Variants in DUSP10 observed in about 807,000 individuals in gnomAD.
The protein encoded by DUSP10 is dual specificity protein phosphatase 10.
In DUSP10, 14 loss-of-function variants were observed where a neutral mutation model predicts 30.8. The observed-to-expected ratio is 0.46, with a 90% CI of 0.30 to 0.71. The LOEUF is 0.71. DUSP10 is among the 30% of genes least tolerant of loss of function. DUSP10 has a pLI of 0.08. For synonymous variants in DUSP10, 254 were observed against 250.4 expected (o/e 1.01, Z -0.14); for missense variants, 550 against 619.4 (o/e 0.89, Z 1.19).
intron 2 of DUSP10, among the ~76,000 whole-genome samples, chr1:221,725,732 G>C (rs1185082471): frequency 6.6e-6 from 1 of 152,152 alleles, no homozygotes; most frequent in East Asian, 1.9e-4. Flanking sequence ...GCCCCTAGAA[G>C]ACTTCAGCAC....
intron 2 of DUSP10, among the ~76,000 whole-genome samples, chr1:221,726,067 G>C (rs73110853): frequency 0.11 from 17,409 of 152,264 alleles, 3,217 homozygotes; most frequent in African/African-American, 0.39. Flanking sequence ...TTCAGGATCA[G>C]TATCAAGACC....
In DUSP10 at chr1:221,706,201, G is replaced by T. The variant is rs780497314; in HGVS notation, c.1077C>A (p.Pro359=). 2 of 1,614,172 alleles carry T rather than the reference G, an allele frequency of 1.2e-6. No homozygotes were observed. Among genetic ancestry groups the T allele is most frequent in the East Asian group, 4.5e-5 (2 of 44,868 alleles). The change falls in exon 3 of 4, where the codon CCC becomes CCA. Residue 359 remains proline, a synonymous_variant. Coordinates refer to ENST00000366899, the MANE Select transcript of DUSP10 (RefSeq NM_007207.6). The surrounding 1 kb of genome is among the most constrained non-coding windows in gnomAD (Gnocchi z 4.6). The part of the protein sequence containing the change: ...GYVINVTTHL[P]LYHYEKGLFN... The stretch of plus-strand genomic sequence containing the variant: ...ACAGGCCTTTCTCATAGTGGTAGAG[G>T]GGAAGATGAGTGGTGACGTTGATGA...
chr1:221,739,190 C>G lies in DUSP10; in HGVS notation c.555G>C (p.Lys185Asn). ...IDCRPFMEYNKSHIQGAVHIN... is the reference protein window; with the variant it reads ...IDCRPFMEYNNSHIQGAVHIN... ...TGTGGACAGCTCCTTGGATGTGACT[C>G]TTGTTGTACTCCATGAAGGGCCTGC... The change falls in exon 2 of 4, where the codon AAG becomes AAC. Residue 185 changes from lysine to asparagine, a missense_variant. Physicochemically the swap from Lys to Asn is moderately conservative, Grantham distance 94. Transcript: ENST00000366899. 6.2e-7 allele frequency: 1 copy of G among 1,614,200 alleles called. No individual in the cohort carries two copies. The highest frequency in any genetic ancestry group is 1.1e-5 in the South Asian group (1 of 91,082).
At chr1:221,727,222 C>G (rs1046163336) in intron 2 of DUSP10, among the ~76,000 whole-genome samples, 1 of 152,196 alleles carries the variant, frequency 6.6e-6, no homozygotes, top group East Asian at 1.9e-4. Flanking sequence ...GAGCATCAGC[C>G]GGCTCATTCA....
chr1:221,722,022 G>T (rs1029354187), intron 2 of DUSP10, among the ~76,000 whole-genome samples: 5 of 152,130 alleles, frequency 3.3e-5, no homozygotes, highest in Non-Finnish European at 5.9e-5. Flanking sequence ...CTTTTGAAGG[G>T]ATACAACACT....
intron 2 of DUSP10, among the ~76,000 whole-genome samples, chr1:221,716,604 G>A (rs1661114132): frequency 6.6e-6 from 1 of 152,088 alleles, no homozygotes; most frequent in African/African-American, 2.4e-5. Flanking sequence ...AAGAAAATAA[G>A]AGTAAGTATT....
chr1:221,702,626 A>G lies in DUSP10; in HGVS notation c.1235T>C (p.Val412Ala). The G allele has an allele frequency of 1.9e-6, 3 of 1,613,996 alleles. No individual in the cohort carries two copies. Among genetic ancestry groups the G allele is most frequent in the Non-Finnish European group, 2.5e-6 (3 of 1,179,962 alleles). The change falls in exon 4 of 4, where the codon GTG (valine) becomes GCG (alanine). Residue 412 changes from valine to alanine, a missense_variant. Physicochemically the swap from Val to Ala is moderately conservative, Grantham distance 64 (BLOSUM62 0). Transcript: ENST00000366899. The surrounding 1 kb of genome is among the most constrained non-coding windows in gnomAD (Gnocchi z 4.5). Reference protein sequence around the residue: ...KGLLIHCQAGVSRSATIVIAY... With the variant: ...KGLLIHCQAGASRSATIVIAY... ...GATGACGATGGTGGCGGAGCGGGACACCCCAGCCTGGCAGTGGATGAGAAG... is the reference window on the plus strand; with the variant it reads ...GATGACGATGGTGGCGGAGCGGGACGCCCCAGCCTGGCAGTGGATGAGAAG...
chr1:221,729,142 C>G (rs114437504), intron 2 of DUSP10, among the ~76,000 whole-genome samples: 2,069 of 152,288 alleles, frequency 0.014, 45 homozygotes, highest in African/African-American at 0.047. Flanking sequence ...AGAATTATCA[C>G]AGTTTTCAAA....
In DUSP10 at chr1:221,732,988, A is replaced by G. The variant is rs139797224; in HGVS notation, c.811+5946T>C. ...TGAGATGACCTCTCCTGGAACTAGA[A>G]TTTCTCTCCTTAATATGTAGTCTAT... On this transcript the variant is annotated intron_variant, in intron 2 of 3. Transcript: ENST00000366899. Among the ~76,000 whole-genome samples the G allele has an allele frequency of 6.6e-5, 10 of 152,288 alleles. No individual in the cohort carries two copies. In the East Asian group the frequency reaches 1.9e-3, roughly 29 times the overall value.
chr1:221,737,899 C>T (rs755586815), intron 2 of DUSP10, among the ~76,000 whole-genome samples: 1 of 152,216 alleles, frequency 6.6e-6, no homozygotes, highest in Non-Finnish European at 1.5e-5. Context: ...GGTCAACACA[C>T]TTTAGGAGAC....
intron 2 of DUSP10, among the ~76,000 whole-genome samples, chr1:221,738,724 G>T (rs1334373639): frequency 1.3e-5 from 2 of 152,208 alleles, no homozygotes; most frequent in Non-Finnish European, 2.9e-5. Flanking sequence ...CCAAATGAAG[G>T]GTAGAACCCA....
At chr1:221,735,615 G>T (rs1329005459) in intron 2 of DUSP10, among the ~76,000 whole-genome samples, 1 of 152,176 alleles carries the variant, frequency 6.6e-6, no homozygotes, top group Non-Finnish European at 1.5e-5. Flanking sequence ...CTGGTTGATA[G>T]GTGTATGGAT....
chr1:221,714,590 A>G (rs1661040740), intron 2 of DUSP10, among the ~76,000 whole-genome samples: 1 of 152,194 alleles, frequency 6.6e-6, no homozygotes, highest in South Asian at 2.1e-4. Context: ...ACACCTGATC[A>G]AACCAATCTG....
intron 3 of DUSP10, among the ~76,000 whole-genome samples, chr1:221,703,414 T>C (rs1235933860): frequency 2.0e-5 from 3 of 152,222 alleles, no homozygotes; most frequent in African/African-American, 7.2e-5. Context: ...TACTAAACCC[T>C]GATTAAGGTT....
intron 2 of DUSP10, among the ~76,000 whole-genome samples, chr1:221,725,849 A>G (rs759757181): frequency 7.2e-5 from 11 of 152,216 alleles, no homozygotes; most frequent in Non-Finnish European, 1.0e-4. Flanking sequence ...TGTCCCTTTC[A>G]GAGTGTTTTA....
rs1660629674 is a variant in DUSP10 at position 221,702,339 on chromosome 1, A to G, written c.*73T>C. The G allele has an allele frequency of 1.1e-5, 17 of 1,528,714 alleles. No individual in the cohort carries two copies. In the South Asian group the frequency reaches 1.9e-4, roughly 17 times the overall value. 94.7% of individuals were successfully genotyped at this position (1,528,714 alleles called of 1,614,324 possible). ...AACTACAAAAAAAAAAAGAAAGAAAAAAAACCAGAATCCATCCTCCTTCCT... is the reference window on the plus strand; with the variant it reads ...AACTACAAAAAAAAAAAGAAAGAAAGAAAACCAGAATCCATCCTCCTTCCT... On this transcript the variant is annotated 3_prime_UTR_variant, in exon 4 of 4. Coordinates refer to ENST00000366899, the MANE Select transcript of DUSP10 (RefSeq NM_007207.6). The surrounding 1 kb of genome is among the most constrained non-coding windows in gnomAD (Gnocchi z 4.5).
chr1:221,703,949 A>C (rs1660684316), intron 3 of DUSP10, among the ~76,000 whole-genome samples: 1 of 152,232 alleles, frequency 6.6e-6, no homozygotes, highest in East Asian at 1.9e-4. Flanking sequence ...AAGAAAAGTA[A>C]GCATCTCTCT....
chr1:221,731,798 G>A (rs980677807), intron 2 of DUSP10, among the ~76,000 whole-genome samples: 25 of 151,558 alleles, frequency 1.6e-4, no homozygotes, highest in Admixed American at 1.1e-3. Context: ...TAGTAGAGAC[G>A]GGGTTTCACC....
intron 2 of DUSP10, among the ~76,000 whole-genome samples, chr1:221,710,076 C>T (rs1660889809): frequency 6.6e-6 from 1 of 152,082 alleles, no homozygotes; most frequent in African/African-American, 2.4e-5. Flanking sequence ...CTCAGTTTAC[C>T]AATCTATTAA....
Sources: allele counts gnomAD v4.1 joint callset (sites outside exome capture counted in the v4.1 genomes callset), GRCh38; gene constraint gnomAD v4.1.1; non-coding constraint Gnocchi (gnomAD v3.1); transcripts MANE v1.5; gene names NCBI Gene and HGNC (gene_info 2026-07-23, HGNC 2026-07-21).